The following ITPK1 variants were observed in gnomAD, a reference collection of about 807,000 sequenced individuals.
The protein encoded by ITPK1 is inositol-tetrakisphosphate 1-kinase, also known as inositol 1,3,4-trisphosphate 5/6-kinase.
Under a neutral mutation model 45.3 loss-of-function variants are expected in ITPK1, and 21 were observed. That is an observed-to-expected ratio of 0.46 (90% CI 0.33 to 0.67). The LOEUF is 0.67. Among genes scored for constraint, ITPK1 ranks in the 30% least tolerant of loss-of-function variants. ITPK1 has a pLI of 0.02. For missense variants in ITPK1, 474 were observed against 573.5 expected, an observed-to-expected ratio of 0.83 and a Z score of 1.77; for synonymous variants, 258 against 253.6, an observed-to-expected ratio of 1.02 and a Z score of -0.16.
At position 92,942,309 on chromosome 14, in the gene ITPK1, G is replaced by C. The variant is rs936906524; in HGVS notation, c.902-405C>G. Among the ~76,000 whole-genome samples, 5 of 152,160 alleles carry C rather than the reference G, an allele frequency of 3.3e-5. No homozygotes were observed. In the East Asian group the frequency reaches 9.6e-4, roughly 29 times the overall value. On this transcript the variant is annotated intron_variant, in intron 10 of 10. Transcript: ENST00000267615. ...CACCAAAGCCAGCTCCACACACTTGGAGTAATAAATACTCCTGAGGCCCAG... is the reference window on the plus strand; with the variant it reads ...CACCAAAGCCAGCTCCACACACTTGCAGTAATAAATACTCCTGAGGCCCAG...
At chr14:93,106,630 T>C (rs1343960894) in intron 2 of ITPK1, among the ~76,000 whole-genome samples, 1 of 152,188 alleles carries the variant, frequency 6.6e-6, no homozygotes, top group Non-Finnish European at 1.5e-5. Flanking sequence ...CACTGCGCCA[T>C]AGTTCTCTCC....
chr14:93,030,849 G>T lies in ITPK1; in HGVS notation c.121-14048C>A, dbSNP rs565426125. ...CAGAGCAGGTAGGTCCCTAGTCCACGATGACTGGTGCTCCTATAAAAAGGG... is the reference window on the plus strand; with the variant it reads ...CAGAGCAGGTAGGTCCCTAGTCCACTATGACTGGTGCTCCTATAAAAAGGG... On this transcript the variant is annotated intron_variant, in intron 3 of 10. Transcript: ENST00000267615. 2.3e-4 allele frequency among the ~76,000 whole-genome samples: 35 copies of T among 152,316 alleles called. No homozygotes were observed. In the Middle Eastern group the frequency reaches 0.014, roughly 59 times the overall value.
chr14:92,975,405 C>G (rs763762931), intron 5 of ITPK1, among the ~76,000 whole-genome samples: 2 of 152,180 alleles, frequency 1.3e-5, no homozygotes, highest in Non-Finnish European at 2.9e-5. Flanking sequence ...GCAGATGAGG[C>G]AGGAGGCTCG....
chr14:92,983,619 C>G (rs530750356), intron 5 of ITPK1, among the ~76,000 whole-genome samples: 1 of 152,196 alleles, frequency 6.6e-6, no homozygotes, highest in Non-Finnish European at 1.5e-5. Flanking sequence ...TAACGACAAA[C>G]ACACATCAAT....
At chr14:93,092,846 G>A (rs949322586) in intron 2 of ITPK1, among the ~76,000 whole-genome samples, 8 of 152,130 alleles carry the variant, frequency 5.3e-5, no homozygotes, top group Non-Finnish European at 1.2e-4. Context: ...ACTCCAGCAC[G>A]GCAGGGCCCA....
chr14:92,995,675 C>T (rs778450109), intron 4 of ITPK1, among the ~76,000 whole-genome samples: 10 of 152,174 alleles, frequency 6.6e-5, no homozygotes, highest in Non-Finnish European at 1.0e-4. Flanking sequence ...CACATAAGTG[C>T]GAGGACCTAG....
At chr14:92,988,123 A>G (rs187613057) in intron 5 of ITPK1, among the ~76,000 whole-genome samples, 54 of 152,316 alleles carry the variant, frequency 3.5e-4, no homozygotes, top group Non-Finnish European at 5.9e-4. Flanking sequence ...CTGAAGTCCA[A>G]GAAAGGGAAC....
Position 92,958,166 on chromosome 14 carries a change from C to T in ITPK1, c.670+35G>A, listed in dbSNP as rs749460736. ...CCACATCCCAGCTGGGCCCCTGAGT[C>T]TTGCTCAGCCCAAGATGGTGAGAAG... On this transcript the variant is annotated intron_variant, in intron 8 of 10. Coordinates refer to ENST00000267615, the MANE Select transcript of ITPK1 (RefSeq NM_014216.6). This position sits in a 1 kb window ranked among gnomAD's most constrained non-coding sequence, Gnocchi z 4.4. 5 of 1,610,830 alleles carry T rather than the reference C, an allele frequency of 3.1e-6. No homozygotes were observed. The South Asian group carries it at 5.5e-5, about 18-fold the overall frequency.
At chr14:93,086,454 G>A (rs1234929294) in intron 2 of ITPK1, among the ~76,000 whole-genome samples, 2 of 152,224 alleles carry the variant, frequency 1.3e-5, no homozygotes, top group Non-Finnish European at 2.9e-5. Context: ...ACCACAGGCA[G>A]CGAGAGTTTC....
rs1005680313 is a variant in ITPK1 at position 93,066,288 on chromosome 14, G to A, written c.120+10307C>T. On this transcript the variant is annotated intron_variant, in intron 3 of 10. Coordinates refer to ENST00000267615, the MANE Select transcript of ITPK1 (RefSeq NM_014216.6). ...CAACAGGCAGCTCAGCTTGGTGTGC[G>A]TGCGTGTGTGCGCGTGCATGTGTGT... is the stretch of plus-strand genomic sequence containing the variant. 9.2e-5 allele frequency: 42 copies of A among 454,986 alleles called. 1 individual carries two copies. Among genetic ancestry groups the A allele is most frequent in the African/African-American group, 6.3e-4 (31 of 49,506 alleles). 28.2% of individuals were successfully genotyped at this position (454,986 alleles called of 1,614,324 possible).
intron 2 of ITPK1, among the ~76,000 whole-genome samples, chr14:93,098,396 G>A (rs1162868773): frequency 6.6e-6 from 1 of 151,688 alleles, no homozygotes; most frequent in Non-Finnish European, 1.5e-5. Context: ...GGCGGAGCTT[G>A]TAGTGAGCCG....
rs1887972906 is a variant in ITPK1 at position 92,951,942 on chromosome 14, C to T, written c.738+4G>A. The T allele has an allele frequency of 6.4e-7, 1 of 1,572,486 alleles. No homozygotes were observed. On this transcript the variant is annotated splice_donor_region_variant and intron_variant, in intron 9 of 10. Coordinates refer to ENST00000267615, the MANE Select transcript of ITPK1 (RefSeq NM_014216.6). ...GGCCAGGCCATCCCAGCAGAGGGAC[C>T]CACCTCCGTCAGGACCGATGACGAC...
chr14:93,073,914 G>A (rs1398638444), intron 3 of ITPK1, among the ~76,000 whole-genome samples: 1 of 152,170 alleles, frequency 6.6e-6, no homozygotes, highest in East Asian at 1.9e-4. Flanking sequence ...ACCAGACACA[G>A]GAAACACAGG....
intron 5 of ITPK1, among the ~76,000 whole-genome samples, chr14:92,974,228 AT>A (rs1263516017): frequency 6.6e-6 from 1 of 152,058 alleles, no homozygotes; most frequent in East Asian, 1.9e-4. Flanking sequence ...TTTGTAGGGG[AT>A]TTGGGCGCTT....
At chr14:92,962,889 C>T (rs554028633) in intron 5 of ITPK1, 40 bp from the exon 6 acceptor site, 5 of 1,436,578 alleles carry the variant, frequency 3.5e-6, no homozygotes, top group Admixed American at 3.6e-5. Flanking sequence ...AGCTCCTGGG[C>T]AGCCGCCCCA....
chr14:92,945,038 A>G (rs937525835), intron 10 of ITPK1, among the ~76,000 whole-genome samples: 3 of 152,124 alleles, frequency 2.0e-5, no homozygotes, highest in African/African-American at 7.2e-5. Context: ...CTCTCCTGGG[A>G]CCTGCCCCTG....
chr14:93,050,994 C>T (rs146887505), intron 3 of ITPK1, among the ~76,000 whole-genome samples: 4 of 152,254 alleles, frequency 2.6e-5, no homozygotes, highest in African/African-American at 7.2e-5. Context: ...CCTTAAGGAC[C>T]GGGATGTGGC....
At chr14:93,080,610 C>T (rs916845897) in intron 2 of ITPK1, among the ~76,000 whole-genome samples, 2 of 152,290 alleles carry the variant, frequency 1.3e-5, no homozygotes, top group Non-Finnish European at 2.9e-5. Context: ...GACTGAGGTG[C>T]GTGTGCTGCA....
At chr14:92,947,989 C>A (rs922413159) in intron 9 of ITPK1, among the ~76,000 whole-genome samples, 1 of 152,208 alleles carries the variant, frequency 6.6e-6, no homozygotes, top group Non-Finnish European at 1.5e-5. Context: ...TCTATCCATA[C>A]GACGGAATAT....
Sources: allele counts gnomAD v4.1 joint callset (sites outside exome capture counted in the v4.1 genomes callset), GRCh38; gene constraint gnomAD v4.1.1; non-coding constraint Gnocchi (gnomAD v3.1); transcripts MANE v1.5; gene names NCBI Gene and HGNC (gene_info 2026-07-23, HGNC 2026-07-21).